The following ITGA9 variants were observed in gnomAD, a reference collection of about 807,000 sequenced individuals.
The protein encoded by ITGA9 is integrin subunit alpha 9.
In ITGA9, 56 loss-of-function variants were observed where a neutral mutation model predicts 127.8. That is an observed-to-expected ratio of 0.44 (90% CI 0.35 to 0.55). ITGA9 has a LOEUF of 0.55. Ranked by LOEUF, ITGA9 falls within the 20% of genes least tolerant of loss-of-function variation. The pLI is 0.00. For synonymous variants in ITGA9, 508 were observed against 514.5 expected (o/e 0.99, Z 0.17); for missense variants, 1,196 against 1,347.1 (o/e 0.89, Z 1.76).
At chr3:37,575,535 A>G (rs1001964823) in intron 15 of ITGA9, among the ~76,000 whole-genome samples, 5 of 152,154 alleles carry the variant, frequency 3.3e-5, no homozygotes, top group Non-Finnish European at 7.4e-5. Flanking sequence ...AGCCCTGGGA[A>G]GTGTGTGCTG....
chr3:37,750,140 G>A (rs1575220517), intron 22 of ITGA9, among the ~76,000 whole-genome samples: 1 of 152,078 alleles, frequency 6.6e-6, no homozygotes, highest in South Asian at 2.1e-4. Context: ...TGATGTCTGA[G>A]TTCTCACCAA....
At chr3:37,500,214 C>G (rs1473958175) in intron 5 of ITGA9, among the ~76,000 whole-genome samples, 1 of 152,184 alleles carries the variant, frequency 6.6e-6, no homozygotes, top group Non-Finnish European at 1.5e-5. Context: ...TTATGCAGGA[C>G]AGATGAGTGT....
At chr3:37,598,539 A>G (rs1699888894) in intron 15 of ITGA9, among the ~76,000 whole-genome samples, 2 of 152,248 alleles carry the variant, frequency 1.3e-5, no homozygotes, top group Admixed American at 6.5e-5. Context: ...GTCCAGTGGG[A>G]GAGTCAGGGG....
At chr3:37,748,021 G>A (rs1312765275) in intron 22 of ITGA9, 3 of 337,872 alleles carry the variant, frequency 8.9e-6, no homozygotes, top group Non-Finnish European at 1.7e-5. Flanking sequence ...TTCCGTCCTT[G>A]TTGTTGCAAA....
intron 18 of ITGA9, among the ~76,000 whole-genome samples, chr3:37,693,653 G>A (rs749962181): frequency 2.0e-4 from 31 of 152,176 alleles, no homozygotes; most frequent in Non-Finnish European, 3.7e-4. Flanking sequence ...TTATTTGAGG[G>A]AGTGCTTTGG....
chr3:37,483,269 G>A (rs1417147527), intron 4 of ITGA9, among the ~76,000 whole-genome samples: 1 of 152,138 alleles, frequency 6.6e-6, no homozygotes, highest in Non-Finnish European at 1.5e-5. Flanking sequence ...GGGAGGTGGA[G>A]TTCAATGTCC....
rs1698209097 is a variant in ITGA9 at position 37,452,713 on chromosome 3, A to G, written c.185+154A>G. Among the ~76,000 whole-genome samples, 1 of 151,392 alleles carries G rather than the reference A, an allele frequency of 6.6e-6. No homozygotes were observed. The highest frequency in any genetic ancestry group is 1.5e-5 in the Non-Finnish European group (1 of 67,800). On this transcript the variant is annotated intron_variant, in intron 1 of 27. Transcript: ENST00000264741. This position sits in a 1 kb window ranked among gnomAD's most constrained non-coding sequence, Gnocchi z 7.3. ...TTGCGCGCGGCTCGGCCGCCGGGGGACGGCGGGAGAAGGGAGGACGCCGTC... is the reference window on the plus strand; with the variant it reads ...TTGCGCGCGGCTCGGCCGCCGGGGGGCGGCGGGAGAAGGGAGGACGCCGTC...
At chr3:37,476,266 T>C (rs1698493117) in intron 3 of ITGA9, among the ~76,000 whole-genome samples, 1 of 152,214 alleles carries the variant, frequency 6.6e-6, no homozygotes, top group African/African-American at 2.4e-5. Flanking sequence ...ACCTCCATAC[T>C]ATTTTCCCAA....
At chr3:37,753,230 C>T (rs1696610863) in intron 23 of ITGA9, among the ~76,000 whole-genome samples, 2 of 152,210 alleles carry the variant, frequency 1.3e-5, no homozygotes, top group African/African-American at 2.4e-5. Flanking sequence ...GATTTGTTCA[C>T]AAACACTGGC....
chr3:37,464,370 G>T (rs1242414271), intron 1 of ITGA9, among the ~76,000 whole-genome samples: 1 of 151,586 alleles, frequency 6.6e-6, no homozygotes, highest in Admixed American at 6.6e-5. Context: ...GCTGCCAGGA[G>T]TTAGAACTGG....
intron 27 of ITGA9, among the ~76,000 whole-genome samples, chr3:37,809,738 G>A (rs758022591): frequency 1.9e-4 from 29 of 152,106 alleles, no homozygotes; most frequent in Non-Finnish European, 3.4e-4. Context: ...AAAGACCTAC[G>A]TATTTCTAGA....
intron 13 of ITGA9, among the ~76,000 whole-genome samples, chr3:37,527,937 C>T (rs945445720): frequency 7.9e-5 from 12 of 152,068 alleles, no homozygotes; most frequent in African/African-American, 2.9e-4. Context: ...AGGTGCACAC[C>T]ACCACACCTG....
chr3:37,585,271 T>C (rs760274935), intron 15 of ITGA9, among the ~76,000 whole-genome samples: 2 of 152,152 alleles, frequency 1.3e-5, no homozygotes, highest in Non-Finnish European at 2.9e-5. Context: ...ATGGATACAG[T>C]AGGTGCTCAA....
intron 18 of ITGA9, among the ~76,000 whole-genome samples, chr3:37,702,540 T>C (rs1700958379): frequency 6.6e-6 from 1 of 152,182 alleles, no homozygotes; most frequent in African/African-American, 2.4e-5. Flanking sequence ...AGCTCTGTTC[T>C]GTTTGCAGTG....
chr3:37,715,578 T>C (rs1397783033), intron 18 of ITGA9, among the ~76,000 whole-genome samples: 1 of 152,176 alleles, frequency 6.6e-6, no homozygotes, highest in African/African-American at 2.4e-5. Context: ...ATGGGAATGG[T>C]AATTAAATGA....
intron 15 of ITGA9, among the ~76,000 whole-genome samples, chr3:37,552,164 C>T (rs929436053): frequency 1.4e-4 from 22 of 152,154 alleles, no homozygotes; most frequent in Middle Eastern, 6.8e-3. Flanking sequence ...AGTGACGCGT[C>T]GGTGCAGAGA....
chr3:37,693,386 G>A (rs1469136976), intron 18 of ITGA9, among the ~76,000 whole-genome samples: 6 of 152,296 alleles, frequency 3.9e-5, no homozygotes, highest in Middle Eastern at 3.4e-3. Context: ...AAAGCACCAG[G>A]TCAACTTTCA....
rs1254086779 is a variant in ITGA9, at chr3:37,597,938, G to A, written c.1690-31249G>A. ...AACAGGCCAGCCTGGGCATATTCAC[G>A]TGGAGACTGAGAAGCACGAGAAGGC... is the stretch of plus-strand genomic sequence containing the variant. On this transcript the variant is annotated intron_variant, in intron 15 of 27. Transcript: ENST00000264741. This position sits in a 1 kb window ranked among gnomAD's most constrained non-coding sequence, Gnocchi z 4.6. Among the ~76,000 whole-genome samples the A allele has an allele frequency of 1.3e-5, 2 of 152,244 alleles. No individual in the cohort carries two copies. The highest frequency in any genetic ancestry group is 4.8e-5 in the African/African-American group (2 of 41,466).
intron 18 of ITGA9, among the ~76,000 whole-genome samples, chr3:37,701,649 A>G (rs2125673036): frequency 6.6e-6 from 1 of 152,326 alleles, no homozygotes; most frequent in East Asian, 1.9e-4. Flanking sequence ...ATGACAAGAA[A>G]AAGTCCTCAG....
Sources: gnomAD v4.1 joint callset for allele counts (sites outside exome capture counted in the v4.1 genomes callset) on GRCh38, gnomAD v4.1.1 for gene constraint, Gnocchi (gnomAD v3.1) non-coding constraint, MANE v1.5 for transcripts, NCBI Gene and HGNC (gene_info 2026-07-23, HGNC 2026-07-21) for gene names.